RANBP2: variants seen among roughly 807,000 people sequenced by gnomAD.
RANBP2 encodes E3 SUMO-protein ligase RanBP2.
A neutral mutation model predicts 303.6 loss-of-function variants in RANBP2; 57 were observed. The observed-to-expected ratio is 0.19, with a 90% confidence interval of 0.15 to 0.23. RANBP2 has a LOEUF of 0.23. RANBP2 is among the 10% of genes least tolerant of loss of function. RANBP2 has a pLI of 1.00. For synonymous variants in RANBP2, 1,167 were observed against 1,301.5 expected (o/e 0.90, Z 2.23); for missense variants, 3,138 against 3,780.8 (o/e 0.83, Z 4.46).
chr2:109,152,758 G>T, the RANBP2 span, among the ~76,000 whole-genome samples: 4 of 152,288 alleles, frequency 2.6e-5, no homozygotes, highest in East Asian at 3.9e-4. Context: ...GGGCGGGGGG[G>T]ACCCAGTGTC....
At chr2:108,730,212 A>G (rs1196354809) in intron 2 of RANBP2, among the ~76,000 whole-genome samples, 1 of 136,656 alleles carries the variant, frequency 7.3e-6, no homozygotes, top group Non-Finnish European at 1.5e-5. Flanking sequence ...AACCTAGAGG[A>G]TATTTACTTA....
At chr2:109,028,838 T>G in the RANBP2 span, among the ~76,000 whole-genome samples, 1 of 152,128 alleles carries the variant, frequency 6.6e-6, no homozygotes, top group Admixed American at 6.6e-5. Flanking sequence ...AGCCTCACAC[T>G]CTCAGGATCT....
chr2:108,966,449 G>A, the RANBP2 span, among the ~76,000 whole-genome samples: 1 of 152,232 alleles, frequency 6.6e-6, no homozygotes. Context: ...CAGGGCACAG[G>A]AAGGCCTATG....
the RANBP2 span, among the ~76,000 whole-genome samples, chr2:109,494,347 CA>C: frequency 1.3e-5 from 2 of 152,032 alleles, no homozygotes; most frequent in Admixed American, 1.3e-4. Context: ...GAAGTGTTTC[CA>C]AAAAACAGCC....
the RANBP2 span, among the ~76,000 whole-genome samples, chr2:108,862,211 C>T: frequency 1.3e-5 from 2 of 150,176 alleles, no homozygotes; most frequent in Admixed American, 1.3e-4. Flanking sequence ...AAAAACAAAA[C>T]AGGAAAAAGT....
At chr2:108,917,934 T>G in the RANBP2 span, among the ~76,000 whole-genome samples, 1 of 151,986 alleles carries the variant, frequency 6.6e-6, no homozygotes, top group African/African-American at 2.4e-5. Context: ...TCAGAAAAAT[T>G]GCCATGGAAA....
At chr2:109,334,633 A>G in the RANBP2 span, among the ~76,000 whole-genome samples, 1 of 152,334 alleles carries the variant, frequency 6.6e-6, no homozygotes, top group East Asian at 1.9e-4. Flanking sequence ...GGATGGCAGC[A>G]TGGTGACAGG....
At chr2:108,727,282 C>G (rs1618433) in intron 1 of RANBP2, among the ~76,000 whole-genome samples, 39,256 of 151,974 alleles carry the variant, frequency 0.26, 5,424 homozygotes, top group African/African-American at 0.35. Context: ...ACTGGAGTTG[C>G]TAAGATCTAT....
chr2:109,387,892 C>T, the RANBP2 span, among the ~76,000 whole-genome samples: 1 of 152,118 alleles, frequency 6.6e-6, no homozygotes, highest in Non-Finnish European at 1.5e-5. Flanking sequence ...CCCATCCACC[C>T]GCACACGGCC....
chr2:109,550,067 GA>G, the RANBP2 span, among the ~76,000 whole-genome samples: 3 of 151,792 alleles, frequency 2.0e-5, no homozygotes, highest in African/African-American at 7.3e-5. Flanking sequence ...GAGGCAGGCG[GA>G]TAACGTGAGG....
chr2:109,670,449 T>C, the RANBP2 span, among the ~76,000 whole-genome samples: 1 of 149,276 alleles, frequency 6.7e-6, no homozygotes, highest in African/African-American at 2.5e-5. Flanking sequence ...TGCGATAACT[T>C]GGGCACAACT....
chr2:109,353,737 G>C, the RANBP2 span, among the ~76,000 whole-genome samples: 7 of 152,202 alleles, frequency 4.6e-5, no homozygotes, highest in Non-Finnish European at 2.9e-5. Context: ...TAGGCACTCA[G>C]AACCCAAAGA....
the RANBP2 span, among the ~76,000 whole-genome samples, chr2:109,591,365 C>T: frequency 7.9e-3 from 1,200 of 152,088 alleles, 16 homozygotes; most frequent in African/African-American, 0.026. Flanking sequence ...GGTGTGGTCC[C>T]CATGATGTAA....
At chr2:109,424,175 C>T in the RANBP2 span, among the ~76,000 whole-genome samples, 34 of 152,196 alleles carry the variant, frequency 2.2e-4, no homozygotes, top group African/African-American at 8.0e-4. Flanking sequence ...GAAGGGAAGC[C>T]TGTCTGATCC....
chr2:109,422,183 A>C, the RANBP2 span, among the ~76,000 whole-genome samples: 1 of 152,232 alleles, frequency 6.6e-6, no homozygotes, highest in Non-Finnish European at 1.5e-5. Context: ...CTGTCGTTGC[A>C]AAAACAACCA....
chr2:109,490,534 C>A, the RANBP2 span: 1 of 1,225,168 alleles, frequency 8.2e-7, no homozygotes, highest in South Asian at 2.2e-5. Flanking sequence ...AAGATGCATT[C>A]CCCTCTCTCT....
the RANBP2 span, among the ~76,000 whole-genome samples, chr2:109,619,759 T>A: frequency 7.2e-5 from 11 of 152,224 alleles, no homozygotes; most frequent in African/African-American, 2.7e-4. Context: ...GAAATTTTCC[T>A]AGTAAAAATT....
the RANBP2 span, among the ~76,000 whole-genome samples, chr2:109,548,177 C>T: frequency 1.4e-5 from 2 of 145,676 alleles, no homozygotes; most frequent in Non-Finnish European, 3.0e-5. Context: ...TGGCTTACCT[C>T]AAAAAAAAAA....
the RANBP2 span, chr2:109,613,854 G>A: frequency 1.5e-5 from 18 of 1,235,580 alleles, no homozygotes; most frequent in East Asian, 5.1e-4. Flanking sequence ...ACGGTGAAGC[G>A]GCTGTATCAG....
Sources: gnomAD v4.1 joint callset for allele counts (sites outside exome capture counted in the v4.1 genomes callset) on GRCh38, gnomAD v4.1.1 for gene constraint, MANE v1.5 for transcripts, NCBI Gene and HGNC (gene_info 2026-07-23, HGNC 2026-07-21) for gene names.